Variants in ZNF510 observed in about 807,000 individuals in gnomAD.
ZNF510 encodes the protein zinc finger protein 510.
In ZNF510, 15 loss-of-function variants were observed where a neutral mutation model predicts 18.1. The ratio of observed to expected loss-of-function variants is 0.83; its 90% CI spans 0.55 to 1.28. The LOEUF (loss-of-function observed/expected upper bound fraction) is 1.28. ZNF510 is among the 50% of genes most tolerant of loss of function. The probability of loss-of-function intolerance (pLI) is 0.00; values close to 1 mark genes in which losing one functional copy is unlikely to be tolerated. For synonymous variants in ZNF510, 261 were observed against 266.4 expected, an observed-to-expected ratio of 0.98 and a Z score of 0.20; for missense variants, 724 against 791.8, an observed-to-expected ratio of 0.91 and a Z score of 1.03.
intron 3 of ZNF510, among the ~76,000 whole-genome samples, chr9:96,769,956 A>G (rs1849552379): frequency 6.6e-6 from 1 of 152,206 alleles, no homozygotes; most frequent in South Asian, 2.1e-4. Flanking sequence ...GAACCCTAAT[A>G]CACTGCTGGT....
chr9:96,766,741 G>A lies in ZNF510; in HGVS notation c.130-3109C>T, dbSNP rs1014440931. On this transcript the variant is annotated intron_variant, in intron 3 of 5. Transcript: ENST00000223428. ...TTAGAGATGTAGAGAGCTGATAAAAGCAACGCTAACATCCTTACAAGAACA... is the reference window on the plus strand; with the variant it reads ...TTAGAGATGTAGAGAGCTGATAAAAACAACGCTAACATCCTTACAAGAACA... Among the ~76,000 whole-genome samples, 3 of 152,016 alleles carry A rather than the reference G, an allele frequency of 2.0e-5. No individual in the cohort carries two copies. The East Asian group carries it at 5.8e-4, about 29-fold the overall frequency.
Position 96,755,994 on chromosome 9 carries a change from C to T in ZNF510, c.*2784G>A, listed in dbSNP as rs1020028312. 69 of 152,108 alleles carry T rather than the reference C, an allele frequency of 4.5e-4. No homozygotes were observed. Among genetic ancestry groups the T allele is most frequent in the African/African-American group, 1.5e-3 (63 of 41,480 alleles). The allele number at this position is 152,108 out of a possible 1,614,324, so 9.4% of individuals were successfully genotyped here. On this transcript the variant is annotated 3_prime_UTR_variant, in exon 6 of 6. Transcript: ENST00000223428. Reference sequence around the variant, plus strand: ...TAAAATGATGGATCCAGGTAGCAACCGTCACAATCTGGATGGAGAAAGCTG... The same window carrying T: ...TAAAATGATGGATCCAGGTAGCAACTGTCACAATCTGGATGGAGAAAGCTG...
chr9:96,768,154 C>A (rs971301954), intron 3 of ZNF510, among the ~76,000 whole-genome samples: 1 of 152,066 alleles, frequency 6.6e-6, no homozygotes, highest in Non-Finnish European at 1.5e-5. Flanking sequence ...AAGCATTTGA[C>A]AAAAATATCC....
chr9:96,765,148 G>A (rs1157121999), intron 3 of ZNF510, among the ~76,000 whole-genome samples: 1 of 152,034 alleles, frequency 6.6e-6, no homozygotes, highest in Admixed American at 6.6e-5. Flanking sequence ...AAAAAACTGA[G>A]TAACGATTTG....
Position 96,758,533 on chromosome 9 carries a change from C to A in ZNF510, c.*245G>T, listed in dbSNP as rs1460701251. 5 of 466,748 alleles carry A rather than the reference C, an allele frequency of 1.1e-5. No homozygotes were observed. The East Asian group carries it at 1.7e-4, about 16-fold the overall frequency. 28.9% of individuals were successfully genotyped at this position (466,748 alleles called of 1,614,324 possible). ...AGGGTATGACTTCATTCAGGCCTATCCATAGTACTCTGAAAACAGAAGCCT... is the reference window on the plus strand; with the variant it reads ...AGGGTATGACTTCATTCAGGCCTATACATAGTACTCTGAAAACAGAAGCCT... On this transcript the variant is annotated 3_prime_UTR_variant, in exon 6 of 6. Coordinates refer to ENST00000223428, the MANE Select transcript of ZNF510 (RefSeq NM_014930.3).
At position 96,756,613 on chromosome 9, in the gene ZNF510, C is replaced by T. The variant is rs147722140; in HGVS notation, c.*2165G>A. The T allele has an allele frequency of 3.9e-5, 6 of 152,306 alleles. No homozygotes were observed. Among genetic ancestry groups the T allele is most frequent in the African/African-American group, 1.2e-4 (5 of 41,554 alleles). 9.4% of individuals were successfully genotyped at this position (152,306 alleles called of 1,614,324 possible). A position where few individuals can be genotyped will look rare whatever the true frequency, so the allele number is the denominator to read the frequency against. On this transcript the variant is annotated 3_prime_UTR_variant, in exon 6 of 6. Coordinates refer to ENST00000223428, the MANE Select transcript of ZNF510 (RefSeq NM_014930.3). Reference sequence around the variant, plus strand: ...TTGTTAGTTGTTGAGTCCAAGACGACAAACTCCTAAAGTGGAATTTTAGGT... The same window carrying T: ...TTGTTAGTTGTTGAGTCCAAGACGATAAACTCCTAAAGTGGAATTTTAGGT...
At position 96,772,804 on chromosome 9, in the gene ZNF510, G is replaced by A. The variant is rs10121124; in HGVS notation, c.129+1984C>T. Among the ~76,000 whole-genome samples the A allele has an allele frequency of 1.0e-2, 1,521 of 152,304 alleles. 26 individuals carry two copies. The highest frequency in any genetic ancestry group is 0.034 in the African/African-American group (1,434 of 41,576). On this transcript the variant is annotated intron_variant, in intron 3 of 5. Transcript: ENST00000223428. The stretch of plus-strand genomic sequence containing the variant: ...TAAACTGATTTGACCACTTAGGCAA[G>A]CTACTTGCAGTATGTATTAAAACTG...
intron 3 of ZNF510, among the ~76,000 whole-genome samples, chr9:96,774,416 T>C (rs1427353412): frequency 6.6e-6 from 1 of 152,220 alleles, no homozygotes; most frequent in Non-Finnish European, 1.5e-5. Flanking sequence ...ATTTCAAGGC[T>C]GTTATGAGAA....
chr9:96,773,580 G>GTT (rs911489441), intron 3 of ZNF510, among the ~76,000 whole-genome samples: 10 of 143,370 alleles, frequency 7.0e-5, no homozygotes, highest in South Asian at 2.2e-4. Context: ...GTTGACATCT[G>GTT]TTTTTTTTTT....
chr9:96,767,554 T>G (rs1456303006), intron 3 of ZNF510, among the ~76,000 whole-genome samples: 1 of 151,332 alleles, frequency 6.6e-6, no homozygotes, highest in Non-Finnish European at 1.5e-5. Context: ...ACCTTACTAC[T>G]AACCTTACAA....
rs1446975212 is a variant in ZNF510 at position 96,757,217 on chromosome 9, G to C, written c.*1561C>G. On this transcript the variant is annotated 3_prime_UTR_variant, in exon 6 of 6. Coordinates refer to ENST00000223428, the MANE Select transcript of ZNF510 (RefSeq NM_014930.3). The stretch of plus-strand genomic sequence containing the variant: ...CTTGGGTGGGTGCCAATGGCCTTTG[G>C]AGCCAGGGAAAACTCCTTAAAGCAG... The C allele has an allele frequency of 6.6e-6, 1 of 152,120 alleles. No homozygotes were observed. Among genetic ancestry groups the C allele is most frequent in the Admixed American group, 6.6e-5 (1 of 15,264 alleles). The allele number at this position is 152,120 out of a possible 1,614,324, so 9.4% of individuals were successfully genotyped here.
chr9:96,769,787 G>C (rs1039265821), intron 3 of ZNF510, among the ~76,000 whole-genome samples: 1 of 152,112 alleles, frequency 6.6e-6, no homozygotes, highest in Non-Finnish European at 1.5e-5. Flanking sequence ...CTCCAAAGAT[G>C]ATAAACAAAT....
intron 3 of ZNF510, among the ~76,000 whole-genome samples, chr9:96,766,588 T>TGAC (rs1169856649): frequency 1.3e-5 from 2 of 151,972 alleles, no homozygotes; most frequent in Non-Finnish European, 2.9e-5. Flanking sequence ...CCAACCTGAC[T>TGAC]GACATATATA....
chr9:96,763,110 T>C lies in ZNF510; in HGVS notation c.352+8A>G. 6.2e-7 allele frequency: 1 copy of C among 1,613,254 alleles called. No homozygotes were observed. Among genetic ancestry groups the C allele is most frequent in the South Asian group, 1.1e-5 (1 of 91,064 alleles). ...CAGAATTATGTCTACTACTGCTCAG[T>C]AACTCACTTGGGTGACTCTGGTTTG... On this transcript the variant is annotated splice_region_variant and intron_variant, in intron 5 of 5. Coordinates refer to ENST00000223428, the MANE Select transcript of ZNF510 (RefSeq NM_014930.3).
intron 5 of ZNF510, among the ~76,000 whole-genome samples, 195 bp from the exon 6 acceptor site, chr9:96,760,672 A>T (rs1275481647): frequency 6.6e-6 from 1 of 152,124 alleles, no homozygotes; most frequent in Non-Finnish European, 1.5e-5. Context: ...CAAATGGGAG[A>T]GGAAGCTGGT....
intron 5 of ZNF510, among the ~76,000 whole-genome samples, chr9:96,762,204 T>TAAAA (rs551652153): frequency 5.0e-5 from 5 of 99,452 alleles, no homozygotes; most frequent in Admixed American, 1.0e-4. Context: ...CTGTGGAAAT[T>TAAAA]AAAAAAAAAA....
intron 5 of ZNF510, among the ~76,000 whole-genome samples, chr9:96,762,219 AAAAAAAG>A (rs893704247): frequency 8.2e-5 from 12 of 147,058 alleles, no homozygotes; most frequent in African/African-American, 3.2e-4. Context: ...AAAAAAAAAA[AAAAAAAG>A]AGGCCAGGCA....
At position 96,774,874 on chromosome 9, in the gene ZNF510, A is replaced by G. The variant is rs530533405; in HGVS notation, c.71-28T>C. On this transcript the variant is annotated intron_variant, in intron 2 of 5. Transcript: ENST00000223428. ...GGGGGTGAGGAAGGAGTCATGAGAG[A>G]TCTGGGCAGCCTCCATCTTACCTGC... The G allele has an allele frequency of 1.3e-5, 21 of 1,607,824 alleles. No individual in the cohort carries two copies. In the South Asian group the frequency reaches 1.3e-4, roughly 10 times the overall value.
In ZNF510 at chr9:96,757,562, G is replaced by A. The variant is rs1050972330; in HGVS notation, c.*1216C>T. The A allele has an allele frequency of 6.6e-6, 1 of 152,144 alleles. No individual in the cohort carries two copies. The highest frequency in any genetic ancestry group is 2.4e-5 in the African/African-American group (1 of 41,434). The allele number at this position is 152,144 out of a possible 1,614,324, so 9.4% of individuals were successfully genotyped here. ...GCAGAAGATAACTAAATTATGTGTA[G>A]AAACAAATAGACTCAAACATGTGAA... On this transcript the variant is annotated 3_prime_UTR_variant, in exon 6 of 6. Coordinates refer to ENST00000223428, the MANE Select transcript of ZNF510 (RefSeq NM_014930.3).
Sources: allele counts gnomAD v4.1 joint callset (sites outside exome capture counted in the v4.1 genomes callset), GRCh38; gene constraint gnomAD v4.1.1; transcripts MANE v1.5; gene names NCBI Gene and HGNC (gene_info 2026-07-23, HGNC 2026-07-21).